MAD1L1: variants seen among roughly 807,000 people sequenced by gnomAD.
The protein encoded by MAD1L1 is mitotic spindle assembly checkpoint protein MAD1.
Under a neutral mutation model 96.9 loss-of-function variants are expected in MAD1L1, and 95 were observed. The ratio of observed to expected loss-of-function variants is 0.98; its 90% CI spans 0.83 to 1.16. The LOEUF is 1.16. MAD1L1 is among the 50% of genes most tolerant of loss of function. MAD1L1 has a pLI of 0.00. For synonymous variants in MAD1L1, 473 were observed against 396.6 expected, an observed-to-expected ratio of 1.19 and a Z score of -2.29; for missense variants, 1,007 against 954.4, an observed-to-expected ratio of 1.06 and a Z score of -0.73.
chr7:2,006,590 C>T (rs1470433102), intron 13 of MAD1L1, among the ~76,000 whole-genome samples: 1 of 151,030 alleles, frequency 6.6e-6, no homozygotes, highest in Non-Finnish European at 1.5e-5. Context: ...CGGCCCAGCA[C>T]AGAAGAGAGA....
intron 15 of MAD1L1, among the ~76,000 whole-genome samples, chr7:1,976,601 A>G (rs374530602): frequency 7.5e-4 from 115 of 152,342 alleles, no homozygotes; most frequent in African/African-American, 2.7e-3. Flanking sequence ...CACAGCGTGG[A>G]AGGGGACCCC....
intron 10 of MAD1L1, among the ~76,000 whole-genome samples, chr7:2,190,653 C>T (rs946222021): frequency 1.3e-5 from 2 of 152,140 alleles, no homozygotes; most frequent in African/African-American, 4.8e-5. Context: ...TTTGAAAAGA[C>T]ACTTCACAAA....
chr7:1,838,013 C>G (rs999568338), intron 18 of MAD1L1, among the ~76,000 whole-genome samples: 6 of 152,258 alleles, frequency 3.9e-5, no homozygotes, highest in Non-Finnish European at 8.8e-5. Context: ...GACAAAACTG[C>G]TCCCTCTTGG....
At chr7:2,086,548 CTTTTTCTTTT>C (rs1244629483) in intron 11 of MAD1L1, among the ~76,000 whole-genome samples, 4 of 152,184 alleles carry the variant, frequency 2.6e-5, no homozygotes, top group African/African-American at 9.6e-5. Flanking sequence ...CACAATTGCT[CTTTTTCTTTT>C]TTTTTCTTTT....
chr7:1,982,371 G>C (rs1418181809), intron 14 of MAD1L1, among the ~76,000 whole-genome samples: 1 of 152,100 alleles, frequency 6.6e-6, no homozygotes, highest in Non-Finnish European at 1.5e-5. Flanking sequence ...ATCAAGCCCA[G>C]CTAATTTTTG....
At chr7:2,078,849 T>A (rs1239745647) in intron 11 of MAD1L1, among the ~76,000 whole-genome samples, 1 of 151,996 alleles carries the variant, frequency 6.6e-6, no homozygotes, top group Non-Finnish European at 1.5e-5. Context: ...AGTCCCCACA[T>A]CCCCAAGGAC....
chr7:1,998,816 C>G (rs1781669402), intron 14 of MAD1L1, among the ~76,000 whole-genome samples: 1 of 151,666 alleles, frequency 6.6e-6, no homozygotes, highest in Non-Finnish European at 1.5e-5. Flanking sequence ...GGAACCAGAC[C>G]CCACAGTCCA....
intron 16 of MAD1L1, among the ~76,000 whole-genome samples, chr7:1,942,300 G>A (rs546391597): frequency 7.0e-4 from 107 of 152,320 alleles, no homozygotes; most frequent in African/African-American, 2.5e-3. Context: ...CTGAGCCCCT[G>A]GGGGCCCAGG....
intron 10 of MAD1L1, among the ~76,000 whole-genome samples, chr7:2,165,681 G>C (rs1353781308): frequency 1.8e-5 from 2 of 110,668 alleles, no homozygotes; most frequent in African/African-American, 7.2e-5. Flanking sequence ...CAGCTCAACA[G>C]AATGGAAGGG....
chr7:2,130,772 G>C (rs1192746225), intron 11 of MAD1L1, among the ~76,000 whole-genome samples: 1 of 152,198 alleles, frequency 6.6e-6, no homozygotes, highest in African/African-American at 2.4e-5. Flanking sequence ...TCTTTGTGAT[G>C]GATTCACTGC....
At chr7:1,929,296 G>A (rs1303401754) in intron 17 of MAD1L1, among the ~76,000 whole-genome samples, 1 of 152,090 alleles carries the variant, frequency 6.6e-6, no homozygotes, top group Non-Finnish European at 1.5e-5. Context: ...GCCCACACAG[G>A]CAGTGACAAA....
intron 5 of MAD1L1, chr7:2,220,971 AG>A (rs1793573141): frequency 5.0e-6 from 8 of 1,612,508 alleles, no homozygotes; most frequent in Non-Finnish European, 6.8e-6. Context: ...ACAGTTGGCA[AG>A]GAAGAGGCGC....
At chr7:2,138,352 T>C (rs1158761797) in intron 11 of MAD1L1, among the ~76,000 whole-genome samples, 1 of 152,116 alleles carries the variant, frequency 6.6e-6, no homozygotes, top group African/African-American at 2.4e-5. Context: ...GGCGGTCAGC[T>C]CTGCAGGTGC....
chr7:1,875,086 A>G (rs1464239768), intron 18 of MAD1L1, among the ~76,000 whole-genome samples: 2 of 152,140 alleles, frequency 1.3e-5, no homozygotes, highest in Admixed American at 1.3e-4. Flanking sequence ...CCCAGTCCCA[A>G]TCCAGGTGAA....
chr7:1,887,988 CAT>C (rs1786239383), intron 18 of MAD1L1, among the ~76,000 whole-genome samples: 18 of 86,108 alleles, frequency 2.1e-4, no homozygotes, highest in African/African-American at 6.7e-4. Context: ...TGTGTGCATG[CAT>C]GTGTGTATAT....
chr7:2,209,388 G>A (rs1259592856), intron 10 of MAD1L1, among the ~76,000 whole-genome samples: 1 of 152,178 alleles, frequency 6.6e-6, no homozygotes, highest in East Asian at 1.9e-4. Context: ...CCACACAAAG[G>A]ACGTCTGACC....
chr7:1,933,412 G>A (rs1369237707), intron 17 of MAD1L1, among the ~76,000 whole-genome samples: 1 of 152,196 alleles, frequency 6.6e-6, no homozygotes, highest in Non-Finnish European at 1.5e-5. Context: ...CAGGGCACGT[G>A]GCGGGGGTGT....
Position 2,013,628 on chromosome 7 carries a change from G to A in MAD1L1, c.1359+874C>T, listed in dbSNP as rs149117044. Among the ~76,000 whole-genome samples the A allele has an allele frequency of 1.8e-3, 277 of 152,386 alleles. 2 individuals carry two copies. The highest frequency in any genetic ancestry group is 6.0e-3 in the African/African-American group (250 of 41,602). On this transcript the variant is annotated intron_variant, in intron 13 of 18. Coordinates refer to ENST00000265854, the MANE Select transcript of MAD1L1 (RefSeq NM_001013836.2). The stretch of plus-strand genomic sequence containing the variant: ...GCAGAATGGTAAGGCACCCGGCGGC[G>A]GCGTGTGCCAGCGAGGCCAGAAGAC...
intron 12 of MAD1L1, among the ~76,000 whole-genome samples, chr7:2,055,479 G>C (rs1426423522): frequency 6.6e-6 from 1 of 152,098 alleles, no homozygotes; most frequent in African/African-American, 2.4e-5. Context: ...GAGCTACCAA[G>C]TCACACTCAG....
Sources: gnomAD v4.1 joint callset for allele counts (sites outside exome capture counted in the v4.1 genomes callset) on GRCh38, gnomAD v4.1.1 for gene constraint, MANE v1.5 for transcripts, NCBI Gene and HGNC (gene_info 2026-07-23, HGNC 2026-07-21) for gene names.